Variants in MYO3A observed in about 807,000 individuals in gnomAD.
The protein encoded by MYO3A is myosin IIIA, also known as myosin-IIIa.
Under a neutral mutation model 192.7 loss-of-function variants are expected in MYO3A, and 180 were observed. The ratio of observed to expected loss-of-function variants is 0.93; its 90% CI spans 0.83 to 1.06. The LOEUF (loss-of-function observed/expected upper bound fraction) is 1.06, where lower values mean the gene tolerates loss of function less well. Ranked by LOEUF, MYO3A falls within the 50% of genes least tolerant of loss-of-function variation. The probability of loss-of-function intolerance (pLI) is 0.00; values close to 1 mark genes in which losing one functional copy is unlikely to be tolerated. For synonymous variants in MYO3A, 628 were observed against 645.3 expected (o/e 0.97, Z 0.41); for missense variants, 1,896 against 1,905.0 (o/e 1.00, Z 0.09).
At chr10:26,206,884 T>A (rs1377859665) in intron 34 of MYO3A, among the ~76,000 whole-genome samples, 1 of 152,254 alleles carries the variant, frequency 6.6e-6, no homozygotes, top group East Asian at 1.9e-4. Context: ...ATGTTTTTTA[T>A]AGTAGCCATC....
intron 17 of MYO3A, among the ~76,000 whole-genome samples, chr10:26,107,973 A>G (rs914282177): frequency 5.9e-5 from 9 of 151,820 alleles, no homozygotes; most frequent in African/African-American, 1.9e-4. Flanking sequence ...TGGTTTCTCT[A>G]TTTCTTTACA....
intron 17 of MYO3A, among the ~76,000 whole-genome samples, chr10:26,114,715 G>A (rs1838399631): frequency 6.6e-6 from 1 of 152,210 alleles, no homozygotes; most frequent in Admixed American, 6.5e-5. Flanking sequence ...AAAGAAAACA[G>A]TTTGACAAGC....
chr10:25,977,055 T>C (rs1248602701), intron 4 of MYO3A, among the ~76,000 whole-genome samples: 1 of 152,182 alleles, frequency 6.6e-6, no homozygotes, highest in Non-Finnish European at 1.5e-5. Context: ...TTATGCTGGT[T>C]GAAGAAAAGT....
intron 4 of MYO3A, among the ~76,000 whole-genome samples, chr10:25,990,911 A>C (rs1313456533): frequency 6.6e-6 from 1 of 151,916 alleles, no homozygotes; most frequent in Non-Finnish European, 1.5e-5. Flanking sequence ...CCAGTCTATC[A>C]TTGTTGGACA....
chr10:26,010,025 A>C (rs1301547430), intron 6 of MYO3A, among the ~76,000 whole-genome samples: 1 of 152,238 alleles, frequency 6.6e-6, no homozygotes, highest in Non-Finnish European at 1.5e-5. Context: ...ACACATGTAC[A>C]TAGTCATCCA....
chr10:26,143,485 T>C lies in MYO3A; in HGVS notation c.2300T>C (p.Ile767Thr), dbSNP rs1840284216. ...YLNEDVDARV[I>T]EYEDNWPLLD... ...AATGAAGATGTGGATGCTAGAGTTA[T>C]TGAATATGAGGATAACTGGCCCCTC... The change falls in exon 21 of 35, where the codon ATT becomes ACT. Residue 767 changes from isoleucine to threonine, a missense_variant. Physicochemically the swap from Ile to Thr is moderately conservative, Grantham distance 89 (BLOSUM62 -1). Transcript: ENST00000642920. 2 of 1,613,342 alleles carry C rather than the reference T, an allele frequency of 1.2e-6. No homozygotes were observed. The highest frequency in any genetic ancestry group is 1.1e-5 in the South Asian group (1 of 91,056).
rs185466509 is a variant in MYO3A at position 25,946,674 on chromosome 10, T to C, written c.-17-5420T>C. Reference sequence around the variant, plus strand: ...GCGGGTGGATCACGAGGTCAGGAGATCAAGACCATCCTGGCTAACACGGTG... The same window carrying C: ...GCGGGTGGATCACGAGGTCAGGAGACCAAGACCATCCTGGCTAACACGGTG... On this transcript the variant is annotated intron_variant, in intron 2 of 34. Coordinates refer to ENST00000642920, the MANE Select transcript of MYO3A (RefSeq NM_017433.5). Among the ~76,000 whole-genome samples, 1,323 of 151,570 alleles carry C rather than the reference T, an allele frequency of 8.7e-3. 15 individuals carry two copies. Among genetic ancestry groups the C allele is most frequent in the African/African-American group, 0.029 (1,203 of 41,346 alleles).
At chr10:25,971,359 ATAAGT>A (rs745503144) in intron 4 of MYO3A, among the ~76,000 whole-genome samples, 10 of 152,346 alleles carry the variant, frequency 6.6e-5, no homozygotes, top group South Asian at 2.1e-4. Context: ...TGCTTTTTAA[ATAAGT>A]TAAGAGAAAA....
intron 6 of MYO3A, among the ~76,000 whole-genome samples, chr10:26,005,491 T>C (rs1030304237): frequency 6.6e-6 from 1 of 152,156 alleles, no homozygotes; most frequent in African/African-American, 2.4e-5. Flanking sequence ...GAGTAGATGA[T>C]AGAAGTGTAT....
chr10:26,105,751 C>T (rs887068001), intron 17 of MYO3A, among the ~76,000 whole-genome samples: 2 of 151,968 alleles, frequency 1.3e-5, no homozygotes, highest in African/African-American at 4.8e-5. Flanking sequence ...TAGGTCTCTA[C>T]TTTCAGTTAA....
chr10:26,162,336 T>G (rs931377970), intron 26 of MYO3A, among the ~76,000 whole-genome samples: 2 of 152,172 alleles, frequency 1.3e-5, no homozygotes, highest in African/African-American at 4.8e-5. Flanking sequence ...AGCAAAAATA[T>G]TTTTACTTAC....
At chr10:26,172,699 T>A (rs969670844) in intron 29 of MYO3A, among the ~76,000 whole-genome samples, 1 of 152,246 alleles carries the variant, frequency 6.6e-6, no homozygotes, top group Non-Finnish European at 1.5e-5. Flanking sequence ...CATGGGCATC[T>A]GATGCCCTAC....
At chr10:26,042,288 C>T (rs1292897304) in intron 10 of MYO3A, among the ~76,000 whole-genome samples, 3 of 152,028 alleles carry the variant, frequency 2.0e-5, no homozygotes, top group Admixed American at 1.3e-4. Flanking sequence ...TATTAAATAC[C>T]TTGAGGTGGT....
chr10:26,127,302 C>A (rs1401016674), intron 19 of MYO3A, among the ~76,000 whole-genome samples: 1 of 152,052 alleles, frequency 6.6e-6, no homozygotes, highest in Non-Finnish European at 1.5e-5. Flanking sequence ...GCTTCTAACA[C>A]TTTTTTATGC....
At chr10:25,934,486 A>T (rs1835910356) in intron 1 of MYO3A, among the ~76,000 whole-genome samples, 158 bp downstream of exon 1, 1 of 152,038 alleles carries the variant, frequency 6.6e-6, no homozygotes, top group Admixed American at 6.5e-5. Flanking sequence ...CCGCCCGCCC[A>T]GGTCAGATCC....
At chr10:26,005,441 C>A (rs1460020674) in intron 6 of MYO3A, among the ~76,000 whole-genome samples, 1 of 150,310 alleles carries the variant, frequency 6.7e-6, no homozygotes, top group African/African-American at 2.5e-5. Flanking sequence ...TTTTAAAGGA[C>A]ATATTTAGGA....
intron 4 of MYO3A, among the ~76,000 whole-genome samples, chr10:25,994,041 G>A (rs973453208): frequency 3.9e-5 from 6 of 152,186 alleles, no homozygotes; most frequent in Non-Finnish European, 1.5e-5. Context: ...TCTTGGTGCA[G>A]AGCTGAATTC....
chr10:26,064,033 A>T (rs1834661496), intron 10 of MYO3A, among the ~76,000 whole-genome samples: 1 of 152,242 alleles, frequency 6.6e-6, no homozygotes, highest in Non-Finnish European at 1.5e-5. Flanking sequence ...CATAAAATCT[A>T]GATTGGCATT....
chr10:26,090,514 G>T (rs1289649877), intron 15 of MYO3A, among the ~76,000 whole-genome samples: 1 of 152,120 alleles, frequency 6.6e-6, no homozygotes, highest in Non-Finnish European at 1.5e-5. Context: ...TCACAATCAA[G>T]TGGAAATATA....
Sources: allele counts gnomAD v4.1 joint callset (sites outside exome capture counted in the v4.1 genomes callset), GRCh38; gene constraint gnomAD v4.1.1; transcripts MANE v1.5; gene names NCBI Gene and HGNC (gene_info 2026-07-23, HGNC 2026-07-21).